The following UBN2 variants were observed in gnomAD, a reference collection of about 807,000 sequenced individuals.
UBN2 encodes the protein ubinuclein-2.
Under a neutral mutation model 120.2 loss-of-function variants are expected in UBN2, and 35 were observed. That is an observed-to-expected ratio of 0.29 (90% CI 0.22 to 0.39). The LOEUF (loss-of-function observed/expected upper bound fraction) is 0.39, where lower values mean the gene tolerates loss of function less well. Among genes scored for constraint, UBN2 ranks in the 10% least tolerant of loss-of-function variants. The pLI is 1.00. For synonymous variants in UBN2, 661 were observed against 648.7 expected (o/e 1.02, Z -0.29); for missense variants, 1,693 against 1,663.2 (o/e 1.02, Z -0.31).
At position 139,231,819 on chromosome 7, in the gene UBN2, C is replaced by T; in HGVS notation, c.335C>T (p.Ser112Leu). The T allele has an allele frequency of 6.8e-7, 1 of 1,465,448 alleles. No homozygotes were observed. The highest frequency in any genetic ancestry group is 9.0e-7 in the Non-Finnish European group (1 of 1,110,598). The allele number at this position is 1,465,448 out of a possible 1,614,324, so 90.8% of individuals were successfully genotyped here. Residue 112 changes from serine to leucine, a missense_variant, in exon 1 of 18, where the codon TCG becomes TTG. Around this residue, in one of 5 missense-constraint regions of UBN2, gnomAD observed 663 missense variants for 591.2 expected, o/e 1.12. Coordinates refer to ENST00000473989, the MANE Select transcript of UBN2 (RefSeq NM_173569.4). ...TTGCAGCCGCCCCCGCCGCGGGAGT[C>T]GGCTTCCCGGGCTGAGCAGCCGCCG... Reference protein sequence around the residue: ...LPLQPPPPRESASRAEQPPRP... With the variant: ...LPLQPPPPRELASRAEQPPRP...
In UBN2 at chr7:139,307,813, T is replaced by G. The variant is rs1329377760; in HGVS notation, c.*9977T>G. 6.6e-6 allele frequency: 1 copy of G among 152,184 alleles called. No individual in the cohort carries two copies. Among genetic ancestry groups the G allele is most frequent in the Non-Finnish European group, 1.5e-5 (1 of 68,044 alleles). The allele number at this position is 152,184 out of a possible 1,614,324, so 9.4% of individuals were successfully genotyped here. A position where few individuals can be genotyped will look rare whatever the true frequency, so the allele number is the denominator to read the frequency against. On this transcript the variant is annotated 3_prime_UTR_variant, in exon 18 of 18. Coordinates refer to ENST00000473989, the MANE Select transcript of UBN2 (RefSeq NM_173569.4). ...TAAAACATTTCACACTTTGGATGGTTTGCTTGTCTCTAGTTTTTAGAAAGC... is the reference window on the plus strand; with the variant it reads ...TAAAACATTTCACACTTTGGATGGTGTGCTTGTCTCTAGTTTTTAGAAAGC...
At position 139,291,008 on chromosome 7, in the gene UBN2, A is replaced by T. The variant is rs143124468; in HGVS notation, c.3670-2224A>T. ...TCATTGATACATGTAATAAAACTGG[A>T]AAGAGCTAACATTCATTAGTTATTT... On this transcript the variant is annotated intron_variant, in intron 15 of 17. Coordinates refer to ENST00000473989, the MANE Select transcript of UBN2 (RefSeq NM_173569.4). Among the ~76,000 whole-genome samples the T allele has an allele frequency of 1.3e-3, 200 of 152,312 alleles. 3 individuals carry two copies. Among genetic ancestry groups the T allele is most frequent in the African/African-American group, 4.7e-3 (194 of 41,558 alleles).
chr7:139,316,107 AGGGGTTC>A, the UBN2 span, among the ~76,000 whole-genome samples: 4 of 116,180 alleles, frequency 3.4e-5, no homozygotes, highest in Non-Finnish European at 5.3e-5. Context: ...AAAAAAAAAA[AGGGGTTC>A]CAGTTCTTCT....
the UBN2 span, among the ~76,000 whole-genome samples, chr7:139,327,052 A>G: frequency 6.6e-6 from 1 of 152,068 alleles, no homozygotes; most frequent in African/African-American, 2.4e-5. Context: ...ATTTTTTTTG[A>G]GACAGAGTTT....
At chr7:139,240,648 T>C (rs942877969) in intron 2 of UBN2, among the ~76,000 whole-genome samples, 6 of 152,032 alleles carry the variant, frequency 3.9e-5, no homozygotes, top group African/African-American at 1.2e-4. Flanking sequence ...ATCAGTGATA[T>C]CAGAAATTAC....
chr7:139,321,290 T>C, the UBN2 span, among the ~76,000 whole-genome samples: 1 of 152,234 alleles, frequency 6.6e-6, no homozygotes, highest in African/African-American at 2.4e-5. Context: ...AGCAACTGTC[T>C]GTGTGCTGGA....
At chr7:139,236,119 T>C (rs1338557493) in intron 1 of UBN2, among the ~76,000 whole-genome samples, 2 of 152,218 alleles carry the variant, frequency 1.3e-5, no homozygotes, top group African/African-American at 4.8e-5. Flanking sequence ...TATATATGTT[T>C]GTATACTAAA....
Position 139,301,104 on chromosome 7 carries a change from A to G in UBN2, c.*3268A>G, listed in dbSNP as rs1395619055. The G allele has an allele frequency of 6.6e-6, 1 of 152,074 alleles. No homozygotes were observed. Among genetic ancestry groups the G allele is most frequent in the Admixed American group, 6.6e-5 (1 of 15,256 alleles). The allele number at this position is 152,074 out of a possible 1,614,324, so 9.4% of individuals were successfully genotyped here. A position where few individuals can be genotyped will look rare whatever the true frequency, so the allele number is the denominator to read the frequency against. ...TTTGTGCCCACCCCCCCTCTGATGG[A>G]TGTTGTTAGCCCAAATTACATTTTT... On this transcript the variant is annotated 3_prime_UTR_variant, in exon 18 of 18. Transcript: ENST00000473989.
chr7:139,313,574 T>TA, the UBN2 span, among the ~76,000 whole-genome samples: 6 of 152,296 alleles, frequency 3.9e-5, no homozygotes, highest in Non-Finnish European at 7.4e-5. Context: ...TTTTACGTCT[T>TA]AGAGCATTAG....
chr7:139,312,625 TTGTC>T (rs775662804), downstream of UBN2, among the ~76,000 whole-genome samples: 4 of 152,252 alleles, frequency 2.6e-5, no homozygotes, highest in Non-Finnish European at 2.9e-5. Flanking sequence ...TCTTTTAACT[TTGTC>T]TGTGACATCC....
the UBN2 span, among the ~76,000 whole-genome samples, chr7:139,329,845 G>A: frequency 6.6e-6 from 1 of 151,980 alleles, no homozygotes; most frequent in Non-Finnish European, 1.5e-5. Context: ...AGAGGACTGG[G>A]GCCACTAACA....
chr7:139,316,332 T>C, the UBN2 span, among the ~76,000 whole-genome samples: 1 of 152,148 alleles, frequency 6.6e-6, no homozygotes, highest in African/African-American at 2.4e-5. Context: ...CCAGGAGAGT[T>C]TTCAAAGAGG....
chr7:139,231,772 G>C lies in UBN2; in HGVS notation c.288G>C (p.Pro96=). The C allele has an allele frequency of 7.9e-7, 1 of 1,262,830 alleles. No individual in the cohort carries two copies. The highest frequency in any genetic ancestry group is 9.9e-7 in the Non-Finnish European group (1 of 1,009,794). The allele number at this position is 1,262,830 out of a possible 1,614,324, so 78.2% of individuals were successfully genotyped here. A position where few individuals can be genotyped will look rare whatever the true frequency, so the allele number is the denominator to read the frequency against. Residue 96 remains proline (P), a synonymous_variant, in exon 1 of 18, where the codon CCG becomes CCC. Transcript: ENST00000473989. ...GGGAGCCCCCGCGGCCCGAGCCGCC[G>C]CCGCCGTTCCCGCCGCTGCCCTTGC... ...LQREPPRPEP[P]PPFPPLPLQP...
At chr7:139,266,937 G>A (rs1156316330) in intron 7 of UBN2, among the ~76,000 whole-genome samples, 1 of 152,000 alleles carries the variant, frequency 6.6e-6, no homozygotes, top group African/African-American at 2.4e-5. Context: ...AGAAGGTGAA[G>A]GTAGATATAT....
In UBN2 at chr7:139,276,210, G is replaced by A. The variant is rs367862804; in HGVS notation, c.2024+63G>A. On this transcript the variant is annotated intron_variant, in intron 12 of 17. Coordinates refer to ENST00000473989, the MANE Select transcript of UBN2 (RefSeq NM_173569.4). ...ACATTATGTGCTTTAGTGAACAAAA[G>A]TATCATTTATTAAATGCTAGTTGGA... The A allele has an allele frequency of 1.1e-5, 16 of 1,473,642 alleles. No homozygotes were observed. In the Middle Eastern group the frequency reaches 5.7e-4, roughly 53 times the overall value. 91.3% of individuals were successfully genotyped at this position (1,473,642 alleles called of 1,614,324 possible).
chr7:139,235,711 A>G (rs771178528), intron 1 of UBN2, among the ~76,000 whole-genome samples: 10 of 152,190 alleles, frequency 6.6e-5, no homozygotes, highest in Non-Finnish European at 1.5e-4. Context: ...CTGGCCTTTC[A>G]TTGGTAGCTT....
In UBN2 at chr7:139,266,420, A is replaced by G; in HGVS notation, c.1466+17A>G. On this transcript the variant is annotated intron_variant, in intron 7 of 17. Coordinates refer to ENST00000473989, the MANE Select transcript of UBN2 (RefSeq NM_173569.4). ...TCTTCTGGAGTAAGTAATTTTCTTT[A>G]AAAAAAAAAACCTTAAGAATGATAC... is the stretch of plus-strand genomic sequence containing the variant. 1 of 976,720 alleles carries G rather than the reference A, an allele frequency of 1.0e-6. No individual in the cohort carries two copies. Among genetic ancestry groups the G allele is most frequent in the Non-Finnish European group, 1.4e-6 (1 of 694,496 alleles). 60.5% of individuals were successfully genotyped at this position (976,720 alleles called of 1,614,324 possible). A position where few individuals can be genotyped will look rare whatever the true frequency, so the allele number is the denominator to read the frequency against.
intron 2 of UBN2, among the ~76,000 whole-genome samples, chr7:139,246,977 G>A (rs1303601025): frequency 6.6e-6 from 1 of 152,070 alleles, no homozygotes; most frequent in African/African-American, 2.4e-5. Flanking sequence ...TGACCGTTGG[G>A]TTGTTTCCAG....
At chr7:139,259,124 G>A in intron 4 of UBN2, 143 bp from the exon 5 acceptor site, 1 of 1,274,924 alleles carries the variant, frequency 7.8e-7, no homozygotes, top group Non-Finnish European at 1.1e-6. Context: ...GAGTGCTCTT[G>A]AACCCCAAGG....
Sources: gnomAD v4.1 joint callset for allele counts (sites outside exome capture counted in the v4.1 genomes callset) on GRCh38, gnomAD v4.1.1 for gene constraint, gnomAD v4.1.1 regional missense constraint, MANE v1.5 for transcripts, NCBI Gene and HGNC (gene_info 2026-07-23, HGNC 2026-07-21) for gene names.